Variants in TENM3 observed in about 807,000 individuals in gnomAD.
TENM3 encodes teneurin-3.
Under a neutral mutation model 255.1 loss-of-function variants are expected in TENM3, and 63 were observed. The ratio of observed to expected loss-of-function variants is 0.25; its 90% CI spans 0.20 to 0.30. TENM3 has a LOEUF of 0.30. TENM3 is among the 10% of genes least tolerant of loss of function. TENM3 has a pLI of 1.00. For missense variants in TENM3, 2,929 were observed against 3,461.1 expected (o/e 0.85, Z 3.86); for synonymous variants, 1,306 against 1,322.3 (o/e 0.99, Z 0.27).
At chr4:181,448,293 A>T in the TENM3 span, among the ~76,000 whole-genome samples, 16 of 141,458 alleles carry the variant, frequency 1.1e-4, 3 homozygotes, top group Non-Finnish European at 2.0e-4. Flanking sequence ...CAGCCTCCCG[A>T]GTAGAGTAGC....
the TENM3 span, among the ~76,000 whole-genome samples, chr4:182,081,555 G>T: frequency 1.5e-5 from 2 of 133,736 alleles, no homozygotes; most frequent in African/African-American, 5.8e-5. Context: ...CTGCACTCCA[G>T]CCTGGGCGAC....
chr4:182,086,896 G>A, the TENM3 span, among the ~76,000 whole-genome samples: 3 of 152,096 alleles, frequency 2.0e-5, no homozygotes, highest in South Asian at 4.2e-4. Context: ...TTTGCCAATC[G>A]CTCACTGAGT....
intron 1 of TENM3, among the ~76,000 whole-genome samples, chr4:182,301,397 C>T (rs775308711): frequency 6.6e-6 from 1 of 152,150 alleles, no homozygotes; most frequent in Admixed American, 6.5e-5. Flanking sequence ...GCTTTTATTC[C>T]ATCCACTTCC....
chr4:182,347,061 CT>C, intron 3 of TENM3, 132 bp downstream of exon 3: 1 of 870,006 alleles, frequency 1.1e-6, no homozygotes, highest in Non-Finnish European at 1.7e-6. Flanking sequence ...TTGTCCATTT[CT>C]TTTTGTTTTA....
At chr4:181,668,255 G>A in the TENM3 span, among the ~76,000 whole-genome samples, 2 of 152,132 alleles carry the variant, frequency 1.3e-5, no homozygotes, top group African/African-American at 2.4e-5. Context: ...TTCCTCCAAC[G>A]TTGTTTCTAC....
intron 3 of TENM3, among the ~76,000 whole-genome samples, chr4:182,510,673 A>G (rs891657006): frequency 6.6e-6 from 1 of 152,174 alleles, no homozygotes; most frequent in African/African-American, 2.4e-5. Context: ...GTCTTTAGTT[A>G]CTGTAGAGAA....
intron 1 of TENM3, among the ~76,000 whole-genome samples, chr4:182,152,613 A>G (rs1221985382): frequency 1.3e-5 from 2 of 151,998 alleles, no homozygotes; most frequent in East Asian, 3.9e-4. Flanking sequence ...TTAATAAACA[A>G]TATTGATATG....
the TENM3 span, among the ~76,000 whole-genome samples, chr4:181,816,930 T>G: frequency 6.6e-6 from 1 of 152,258 alleles, no homozygotes; most frequent in African/African-American, 2.4e-5. Context: ...ACTAATGCTC[T>G]TAATCATCCT....
At chr4:181,915,591 G>A in the TENM3 span, among the ~76,000 whole-genome samples, 621 of 146,846 alleles carry the variant, frequency 4.2e-3, 1 homozygote, top group East Asian at 8.8e-3. Flanking sequence ...TATGTTAAAC[G>A]AAGAAGGCAG....
At chr4:182,548,773 A>G (rs898412616) in intron 3 of TENM3, 2 of 151,812 alleles carry the variant, frequency 1.3e-5, no homozygotes, top group African/African-American at 4.9e-5. Context: ...GATCTGTCTT[A>G]ACACAGCAGT....
At chr4:181,959,108 T>C in the TENM3 span, among the ~76,000 whole-genome samples, 1 of 152,194 alleles carries the variant, frequency 6.6e-6, no homozygotes, top group South Asian at 2.1e-4. Context: ...AAGTATTAAA[T>C]TCTGTACATA....
chr4:181,754,585 G>A, the TENM3 span, among the ~76,000 whole-genome samples: 1 of 152,118 alleles, frequency 6.6e-6, no homozygotes, highest in South Asian at 2.1e-4. Flanking sequence ...GTTAACAAAG[G>A]AATGACAGTG....
intron 1 of TENM3, among the ~76,000 whole-genome samples, chr4:182,252,435 G>A (rs2150122162): frequency 6.6e-6 from 1 of 152,246 alleles, no homozygotes; most frequent in African/African-American, 2.4e-5. Context: ...GATTTAGTGT[G>A]CAGTTGGCAA....
At chr4:182,145,929 C>G (rs1332788638) in intron 1 of TENM3, among the ~76,000 whole-genome samples, 1 of 151,992 alleles carries the variant, frequency 6.6e-6, no homozygotes, top group East Asian at 1.9e-4. Context: ...CTTCTCTTGT[C>G]AAAAGAAAAA....
the TENM3 span, among the ~76,000 whole-genome samples, chr4:182,039,748 A>G: frequency 2.6e-5 from 4 of 151,854 alleles, no homozygotes; most frequent in Non-Finnish European, 5.9e-5. Context: ...CAGATGCTTT[A>G]TCTTAGAGCC....
chr4:181,798,488 C>T, the TENM3 span, among the ~76,000 whole-genome samples: 9 of 151,954 alleles, frequency 5.9e-5, no homozygotes, highest in Admixed American at 3.9e-4. Context: ...GCTAGTACAT[C>T]TGGGATAGCA....
upstream of TENM3, chr4:182,144,646 C>G (rs1314035374): frequency 6.8e-6 from 1 of 147,392 alleles, no homozygotes; most frequent in Non-Finnish European, 1.5e-5. Context: ...GCCCCCCTCC[C>G]CCGCGCCCGG....
the TENM3 span, among the ~76,000 whole-genome samples, chr4:182,099,707 C>T: frequency 9.9e-4 from 150 of 152,134 alleles, 1 homozygote; most frequent in African/African-American, 3.3e-3. Flanking sequence ...TGCGAAGACT[C>T]GAATATTTAC....
the TENM3 span, among the ~76,000 whole-genome samples, chr4:182,061,136 G>A: frequency 6.6e-6 from 1 of 152,152 alleles, no homozygotes; most frequent in Non-Finnish European, 1.5e-5. Flanking sequence ...AGGAGAGCAG[G>A]GGGCCCGTTT....
Sources: allele counts gnomAD v4.1 joint callset (sites outside exome capture counted in the v4.1 genomes callset), GRCh38; gene constraint gnomAD v4.1.1; transcripts MANE v1.5; gene names NCBI Gene and HGNC (gene_info 2026-07-23, HGNC 2026-07-21).